Variants in LAMA2 observed in about 807,000 individuals in gnomAD.
LAMA2 encodes the protein laminin subunit alpha 2.
In LAMA2, 269 loss-of-function variants were observed where a neutral mutation model predicts 364.8. The ratio of observed to expected loss-of-function variants is 0.74; its 90% CI spans 0.67 to 0.82. The LOEUF is 0.82. LAMA2 is among the 40% of genes least tolerant of loss of function. LAMA2 has a pLI of 0.00. For missense variants in LAMA2, 3,807 were observed against 3,873.2 expected (o/e 0.98, Z 0.45); for synonymous variants, 1,379 against 1,370.6 (o/e 1.01, Z -0.14).
At chr6:129,377,683 A>T (rs1238335981) in intron 34 of LAMA2, among the ~76,000 whole-genome samples, 1 of 152,252 alleles carries the variant, frequency 6.6e-6, no homozygotes, top group Non-Finnish European at 1.5e-5. Flanking sequence ...ATGAGTCCAC[A>T]AATGCAAAGG....
chr6:129,056,563 T>C (rs1788504480), intron 2 of LAMA2, among the ~76,000 whole-genome samples: 1 of 152,088 alleles, frequency 6.6e-6, no homozygotes, highest in South Asian at 2.1e-4. Flanking sequence ...CATATTAAGA[T>C]TTGCAATATG....
At chr6:129,462,609 CT>C (rs1390844467) in intron 49 of LAMA2, among the ~76,000 whole-genome samples, 2 of 151,842 alleles carry the variant, frequency 1.3e-5, no homozygotes, top group Non-Finnish European at 2.9e-5. Context: ...TGTGCTAATA[CT>C]TTGATCAGGA....
chr6:129,193,879 G>A (rs929772299), intron 12 of LAMA2, among the ~76,000 whole-genome samples: 5 of 152,054 alleles, frequency 3.3e-5, no homozygotes, highest in Admixed American at 6.5e-5. Context: ...ATGGGAACTG[G>A]TGGTGTTGGC....
intron 54 of LAMA2, 96 bp downstream of exon 54, chr6:129,478,909 AT>A: frequency 1.8e-6 from 2 of 1,138,234 alleles, no homozygotes; most frequent in Non-Finnish European, 2.7e-6. Flanking sequence ...TTGTTAATAT[AT>A]TTTACTTTTC....
chr6:128,893,793 A>T (rs1429539816), intron 1 of LAMA2, among the ~76,000 whole-genome samples: 1 of 152,074 alleles, frequency 6.6e-6, no homozygotes, highest in Non-Finnish European at 1.5e-5. Flanking sequence ...AATTAATTTA[A>T]AATACCAGTA....
In LAMA2 at chr6:129,305,615, G is replaced by A. The variant is rs982841376; in HGVS notation, c.3174+4743G>A. Reference sequence around the variant, plus strand: ...TGTATACCACCATGCCTAGCTTAATGTGTGTGTGTGTGAGAGAGAGACAGA... The same window carrying A: ...TGTATACCACCATGCCTAGCTTAATATGTGTGTGTGTGAGAGAGAGACAGA... On this transcript the variant is annotated intron_variant, in intron 22 of 64. Coordinates refer to ENST00000421865, the MANE Select transcript of LAMA2 (RefSeq NM_000426.4). 2.6e-5 allele frequency among the ~76,000 whole-genome samples: 4 copies of A among 151,920 alleles called. 1 individual carries two copies. The highest frequency in any genetic ancestry group is 2.4e-5 in the African/African-American group (1 of 41,386).
Position 129,316,143 on chromosome 6 carries a change from A to G in LAMA2, c.4030A>G (p.Thr1344Ala), listed in dbSNP as rs1403119720. 3 of 1,608,064 alleles carry G rather than the reference A, an allele frequency of 1.9e-6. No individual in the cohort carries two copies. The African/African-American group carries it at 4.0e-5, about 22-fold the overall frequency. Reference protein sequence around the residue: ...YDIHYILIKATYGNFMRQSRI... With the variant: ...YDIHYILIKAAYGNFMRQSRI... ...TATTCATTACATTCTTATCAAAGCT[A>G]CTTATGGAAATTTCATGCGACAAAG... The change falls in exon 27 of 65, where the codon ACT (threonine) becomes GCT (alanine). Residue 1344 changes from threonine (T) to alanine (A), a missense_variant. By Grantham distance (58) the Thr-to-Ala change is moderately conservative. Around this residue, in one of 3 missense-constraint regions of LAMA2, gnomAD observed 3,333 missense variants for 3,345.7 expected, o/e 1.00. Coordinates refer to ENST00000421865, the MANE Select transcript of LAMA2 (RefSeq NM_000426.4).
chr6:129,341,980 G>C (rs1776292028), intron 29 of LAMA2, among the ~76,000 whole-genome samples: 1 of 152,172 alleles, frequency 6.6e-6, no homozygotes, highest in Admixed American at 6.5e-5. Flanking sequence ...TAAAACCTGG[G>C]ATATGAAGAA....
intron 4 of LAMA2, among the ~76,000 whole-genome samples, chr6:129,106,466 T>C (rs965999766): frequency 1.3e-5 from 2 of 152,152 alleles, no homozygotes; most frequent in African/African-American, 4.8e-5. Context: ...ATTGTTCCTT[T>C]AGGGAGAAAC....
rs1784915324 is a variant in LAMA2, at chr6:129,492,380, A to C, written c.8141A>C (p.Lys2714Thr). The part of the protein sequence containing the change: ...NADIGRCAHQ[K>T]LREDEDGAAP... ...GACATTGGTCGCTGTGCCCATCAGA[A>C]ACTCCGTGAAGATGAAGATGGAGCA... The change falls in exon 58 of 65, where the codon AAA becomes ACA. Residue 2714 changes from lysine to threonine, a missense_variant. By Grantham distance (78) the Lys-to-Thr change is moderately conservative (BLOSUM62 -1). This residue lies in a region of LAMA2 where 3,333 missense variants were observed against 3,345.7 expected (regional missense o/e 1.00). Transcript: ENST00000421865. The C allele has an allele frequency of 6.2e-7, 1 of 1,614,034 alleles. No individual in the cohort carries two copies. Among genetic ancestry groups the C allele is most frequent in the Non-Finnish European group, 8.5e-7 (1 of 1,180,004 alleles).
chr6:129,226,319 A>G (rs1199906674), intron 12 of LAMA2, among the ~76,000 whole-genome samples: 1 of 152,050 alleles, frequency 6.6e-6, no homozygotes, highest in South Asian at 2.1e-4. Context: ...TAATTAGAGC[A>G]TTTAGCCCAT....
At chr6:129,379,506 TCTC>T (rs1042474368) in intron 34 of LAMA2, among the ~76,000 whole-genome samples, 2 of 152,084 alleles carry the variant, frequency 1.3e-5, no homozygotes, top group Non-Finnish European at 2.9e-5. Context: ...GAACCTCACG[TCTC>T]CTCCTCTTCT....
chr6:129,239,641 C>T lies in LAMA2; in HGVS notation c.1783-10471C>T, dbSNP rs183625723. ...CATGTATCTTCAGAGAAATGGATAC[C>T]CTACAAAGCAGCACATTCCATTTTC... On this transcript the variant is annotated intron_variant, in intron 12 of 64. Transcript: ENST00000421865. Among the ~76,000 whole-genome samples, 33 of 152,078 alleles carry T rather than the reference C, an allele frequency of 2.2e-4. 1 individual carries two copies. The highest frequency in any genetic ancestry group is 3.8e-4 in the Non-Finnish European group (26 of 67,970).
chr6:129,124,603 A>G (rs997495920), intron 4 of LAMA2, among the ~76,000 whole-genome samples: 79 of 152,246 alleles, frequency 5.2e-4, no homozygotes, highest in African/African-American at 1.9e-3. Context: ...TCCCTCTTTT[A>G]GAAGTCTCAT....
chr6:129,398,535 G>A (rs1255929089), intron 37 of LAMA2, among the ~76,000 whole-genome samples: 4 of 143,816 alleles, frequency 2.8e-5, no homozygotes, highest in Non-Finnish European at 5.9e-5. Context: ...GATTGCAATG[G>A]TGCAATCTTG....
intron 1 of LAMA2, among the ~76,000 whole-genome samples, chr6:128,913,066 G>A (rs1450854700): frequency 3.3e-5 from 5 of 152,126 alleles, no homozygotes; most frequent in Admixed American, 3.3e-4. Flanking sequence ...ACTTTGTGAT[G>A]AGAGAAAATA....
At position 129,486,553 on chromosome 6, in the gene LAMA2, T is replaced by C. The variant is rs1784594940; in HGVS notation, c.7829T>C (p.Val2610Ala). The C allele has an allele frequency of 6.2e-7, 1 of 1,613,992 alleles. No individual in the cohort carries two copies. ...STGARTMRKI[V>A]IRPEPNLFHD... ...GGGGCACGAACAATGAGGAAAATTG[T>C]GATCAGACCAGAGCCGAATCTGTTT... is the stretch of plus-strand genomic sequence containing the variant. Residue 2610 changes from valine to alanine, a missense_variant, in exon 56 of 65, where the codon GTG becomes GCG. Coordinates refer to ENST00000421865, the MANE Select transcript of LAMA2 (RefSeq NM_000426.4).
chr6:129,294,525 C>G (rs1266220267), intron 20 of LAMA2, among the ~76,000 whole-genome samples: 1 of 152,122 alleles, frequency 6.6e-6, no homozygotes, highest in East Asian at 1.9e-4. Context: ...GTGCAGTGAT[C>G]CCATTCATGA....
rs1209833341 is a variant in LAMA2, at chr6:128,930,879, C to T, written c.112+47522C>T. Among the ~76,000 whole-genome samples, 3 of 152,196 alleles carry T rather than the reference C, an allele frequency of 2.0e-5. No homozygotes were observed. In the South Asian group the frequency reaches 6.2e-4, roughly 31 times the overall value. On this transcript the variant is annotated intron_variant, in intron 1 of 64. Coordinates refer to ENST00000421865, the MANE Select transcript of LAMA2 (RefSeq NM_000426.4). ...TCTCAACTTCCTTTTAAAACACCCA[C>T]GGTTTCCCTACGTGTACACACACAC... is the stretch of plus-strand genomic sequence containing the variant.
Sources: allele counts gnomAD v4.1 joint callset (sites outside exome capture counted in the v4.1 genomes callset), GRCh38; gene constraint gnomAD v4.1.1; regional missense constraint gnomAD v4.1.1; transcripts MANE v1.5; gene names NCBI Gene and HGNC (gene_info 2026-07-23, HGNC 2026-07-21).